Variants in GALNT18 observed in about 807,000 individuals in gnomAD.
GALNT18 encodes polypeptide N-acetylgalactosaminyltransferase 18.
GALNT18 carries 44 observed loss-of-function variants against 69.5 expected under a neutral mutation model. The observed-to-expected ratio is 0.63, with a 90% CI of 0.50 to 0.81. The LOEUF is 0.81. Among genes scored for constraint, GALNT18 ranks in the 40% least tolerant of loss-of-function variants. GALNT18 has a pLI of 0.00. For synonymous variants in GALNT18, 364 were observed against 318.2 expected (o/e 1.14, Z -1.53); for missense variants, 715 against 810.0 (o/e 0.88, Z 1.42).
intron 1 of GALNT18, among the ~76,000 whole-genome samples, chr11:11,528,012 T>C (rs1429310124): frequency 6.6e-6 from 1 of 152,178 alleles, no homozygotes; most frequent in African/African-American, 2.4e-5. Flanking sequence ...TTAATACTCA[T>C]AACAACTCCA....
chr11:11,435,261 C>A lies in GALNT18; in HGVS notation c.429-2474G>T, dbSNP rs1447237659. Among the ~76,000 whole-genome samples the A allele has an allele frequency of 6.6e-6, 1 of 152,164 alleles. No homozygotes were observed. The highest frequency in any genetic ancestry group is 1.9e-4 in the East Asian group (1 of 5,190). ...GTTAACTACTTCCCCCTACTCTCTT[C>A]CCTTCTTACTTCTGAACGTGGTGCC... On this transcript the variant is annotated intron_variant, in intron 2 of 10. Coordinates refer to ENST00000227756, the MANE Select transcript of GALNT18 (RefSeq NM_198516.3). The surrounding 1 kb of genome is among the most constrained non-coding windows in gnomAD (Gnocchi z 4.4).
In GALNT18 at chr11:11,614,680, A is replaced by T. The variant is rs1300109114; in HGVS notation, c.235+6679T>A. 6.6e-6 allele frequency among the ~76,000 whole-genome samples: 1 copy of T among 152,238 alleles called. No individual in the cohort carries two copies. The highest frequency in any genetic ancestry group is 1.5e-5 in the Non-Finnish European group (1 of 68,032). ...CTGTTTGTGACTCTGAATCCCATAA[A>T]TACCTTTGGGAAAACATAGGCCAGC... On this transcript the variant is annotated intron_variant, in intron 1 of 10. Transcript: ENST00000227756. The surrounding 1 kb of genome is among the most constrained non-coding windows in gnomAD (Gnocchi z 5.6).
rs1854326996 is a variant in GALNT18 at position 11,396,336 on chromosome 11, GAAGA to G, written c.596-17076_596-17073del. ...GAAGGGCAACATTTCGAGAGGTGAG[GAAGA>G]GAGAGTTTGCTTAGAGATTAAATGA... is the stretch of plus-strand genomic sequence containing the variant. On this transcript the variant is annotated intron_variant, in intron 3 of 10. Transcript: ENST00000227756. This position sits in a 1 kb window ranked among gnomAD's most constrained non-coding sequence, Gnocchi z 5.2. 6.6e-6 allele frequency among the ~76,000 whole-genome samples: 1 copy of G among 152,198 alleles called. No individual in the cohort carries two copies. The highest frequency in any genetic ancestry group is 2.1e-4 in the South Asian group (1 of 4,828).
chr11:11,405,801 C>T (rs1039323439), intron 3 of GALNT18, among the ~76,000 whole-genome samples: 3 of 152,186 alleles, frequency 2.0e-5, no homozygotes, highest in Admixed American at 6.5e-5. Flanking sequence ...ACTCATGCAG[C>T]GATGGGTAAG....
In GALNT18 at chr11:11,287,984, G is replaced by T. The variant is rs570411240; in HGVS notation, c.1677+5045C>A. ...TAGCTGCATGTCCCCACACCCCTGT[G>T]GCAACCAAGTCCTCCTATCTCTTCC... On this transcript the variant is annotated intron_variant, in intron 10 of 10. Coordinates refer to ENST00000227756, the MANE Select transcript of GALNT18 (RefSeq NM_198516.3). Among the ~76,000 whole-genome samples, 45 of 152,202 alleles carry T rather than the reference G, an allele frequency of 3.0e-4. 2 individuals carry two copies. The South Asian group carries it at 8.7e-3, about 29-fold the overall frequency.
intron 3 of GALNT18, among the ~76,000 whole-genome samples, chr11:11,386,569 A>G (rs1177176009): frequency 1.3e-5 from 2 of 152,232 alleles, no homozygotes; most frequent in African/African-American, 4.8e-5. Flanking sequence ...TAAATTCAAA[A>G]TATTGACCCT....
At chr11:11,371,021 GC>G (rs1265476273) in intron 6 of GALNT18, among the ~76,000 whole-genome samples, 1 of 152,216 alleles carries the variant, frequency 6.6e-6, no homozygotes, top group African/African-American at 2.4e-5. Context: ...TTATGCAGGG[GC>G]TGTCCTCTAT....
chr11:11,414,506 C>T (rs1854807412), intron 3 of GALNT18, among the ~76,000 whole-genome samples: 1 of 152,206 alleles, frequency 6.6e-6, no homozygotes, highest in Non-Finnish European at 1.5e-5. Flanking sequence ...TTTCCATGCT[C>T]TTCACATGGC....
At chr11:11,365,761 T>A (rs1048862935) in intron 6 of GALNT18, among the ~76,000 whole-genome samples, 2 of 152,176 alleles carry the variant, frequency 1.3e-5, no homozygotes, top group East Asian at 1.9e-4. Flanking sequence ...TCATTTATGA[T>A]AAAGTATCTG....
At position 11,621,628 on chromosome 11, in the gene GALNT18, G is replaced by A. The variant is rs1476749235; in HGVS notation, c.-35C>T. On this transcript the variant is annotated 5_prime_UTR_variant, in exon 1 of 11. Transcript: ENST00000227756. The surrounding 1 kb of genome is among the most constrained non-coding windows in gnomAD (Gnocchi z 9.3). ...CTTCCTCCATATAGAGCTCCCGGGG[G>A]CCCTTCCTTGTCGTGCGCCCCGAAC... 6.7e-7 allele frequency: 1 copy of A among 1,496,066 alleles called. No individual in the cohort carries two copies. Among genetic ancestry groups the A allele is most frequent in the Non-Finnish European group, 9.1e-7 (1 of 1,098,192 alleles). The allele number at this position is 1,496,066 out of a possible 1,614,324, so 92.7% of individuals were successfully genotyped here. A position where few individuals can be genotyped will look rare whatever the true frequency, so the allele number is the denominator to read the frequency against.
chr11:11,525,850 T>A (rs1206554113), intron 1 of GALNT18, among the ~76,000 whole-genome samples: 1 of 152,012 alleles, frequency 6.6e-6, no homozygotes, highest in Non-Finnish European at 1.5e-5. Context: ...GTCAGGCTGG[T>A]CTCGAACTCC....
chr11:11,558,378 A>G (rs1858384056), intron 1 of GALNT18, among the ~76,000 whole-genome samples: 2 of 152,244 alleles, frequency 1.3e-5, no homozygotes, highest in African/African-American at 4.8e-5. Flanking sequence ...GAGGAAAAAA[A>G]TGGCTAAAGT....
intron 1 of GALNT18, chr11:11,475,285 G>T (rs1463164897): frequency 2.0e-5 from 3 of 152,150 alleles, no homozygotes; most frequent in African/African-American, 4.8e-5. Context: ...TCAAATAGCT[G>T]ATAATTATCA....
chr11:11,323,936 T>C (rs542226596), intron 9 of GALNT18, among the ~76,000 whole-genome samples: 1 of 152,354 alleles, frequency 6.6e-6, no homozygotes, highest in East Asian at 1.9e-4. Flanking sequence ...GATAGGCTGA[T>C]AATTCTTCAG....
chr11:11,485,996 C>T (rs577436312), intron 1 of GALNT18, among the ~76,000 whole-genome samples: 1 of 152,286 alleles, frequency 6.6e-6, no homozygotes, highest in South Asian at 2.1e-4. Flanking sequence ...AGACTATCAG[C>T]ACAGTGAGAG....
intron 6 of GALNT18, chr11:11,353,367 A>C (rs1193929585): frequency 1.7e-6 from 1 of 594,516 alleles, no homozygotes; most frequent in Non-Finnish European, 3.0e-6. Context: ...CATTTTTATC[A>C]GCTAACTGGG....
At chr11:11,422,616 TTG>T (rs1855035639) in intron 3 of GALNT18, among the ~76,000 whole-genome samples, 1 of 151,490 alleles carries the variant, frequency 6.6e-6, no homozygotes, top group African/African-American at 2.4e-5. Flanking sequence ...TCTGTTTTTT[TTG>T]TTGTTTTTTT....
chr11:11,473,436 T>G (rs1436095865), intron 1 of GALNT18, among the ~76,000 whole-genome samples: 1 of 152,078 alleles, frequency 6.6e-6, no homozygotes, highest in Non-Finnish European at 1.5e-5. Context: ...AACATAAAGG[T>G]GTCTTAGTTA....
At chr11:11,533,872 G>A (rs531581817) in intron 1 of GALNT18, among the ~76,000 whole-genome samples, 16 of 152,296 alleles carry the variant, frequency 1.1e-4, no homozygotes, top group African/African-American at 3.6e-4. Flanking sequence ...CAAAGGTGAC[G>A]TGGCATGGGG....
Sources: gnomAD v4.1 joint callset for allele counts (sites outside exome capture counted in the v4.1 genomes callset) on GRCh38, gnomAD v4.1.1 for gene constraint, Gnocchi (gnomAD v3.1) non-coding constraint, MANE v1.5 for transcripts, NCBI Gene and HGNC (gene_info 2026-07-23, HGNC 2026-07-21) for gene names.